The following GSE1 variants were observed in gnomAD, a reference collection of about 807,000 sequenced individuals.
GSE1 encodes the protein genetic suppressor element 1.
Under a neutral mutation model 112.6 loss-of-function variants are expected in GSE1, and 32 were observed. The observed-to-expected ratio is 0.28, with a 90% CI of 0.21 to 0.38. The LOEUF is 0.38. Among genes scored for constraint, GSE1 ranks in the 10% least tolerant of loss-of-function variants. GSE1 has a pLI of 1.00. For missense variants in GSE1, 2,348 were observed against 1,699.2 expected, an observed-to-expected ratio of 1.38 and a Z score of -6.71; for synonymous variants, 1,115 against 735.6, an observed-to-expected ratio of 1.52 and a Z score of -8.35.
At chr16:85,331,184 A>T in intron 1 of GSE1, among the ~76,000 whole-genome samples, 2 of 149,880 alleles carry the variant, frequency 1.3e-5, no homozygotes, top group Non-Finnish European at 3.0e-5. Context: ...ACCGACTCTC[A>T]CTGTGTCACC....
chr16:85,572,171 T>C (rs1567602853), intron 1 of GSE1, among the ~76,000 whole-genome samples: 1 of 104,188 alleles, frequency 9.6e-6, no homozygotes, highest in East Asian at 3.1e-4. Flanking sequence ...CACTGAATAC[T>C]ACACACACAC....
chr16:85,497,265 C>A (rs777062150), intron 2 of GSE1, among the ~76,000 whole-genome samples: 1 of 152,168 alleles, frequency 6.6e-6, no homozygotes, highest in Non-Finnish European at 1.5e-5. Flanking sequence ...GGTGGGCGCA[C>A]CTCTGGTGTT....
At chr16:85,576,976 G>A (rs1163787669) in intron 1 of GSE1, among the ~76,000 whole-genome samples, 1 of 152,094 alleles carries the variant, frequency 6.6e-6, no homozygotes, top group Non-Finnish European at 1.5e-5. Flanking sequence ...GGGGCTTTAG[G>A]TGACCCTGTC....
chr16:85,277,779 C>T (rs938468033), intron 1 of GSE1, among the ~76,000 whole-genome samples: 2 of 152,216 alleles, frequency 1.3e-5, no homozygotes, highest in South Asian at 2.1e-4. Context: ...CCCCTGCCTT[C>T]GAGCTGTGTC....
chr16:85,453,383 G>A (rs2049739547), intron 2 of GSE1, among the ~76,000 whole-genome samples: 1 of 152,324 alleles, frequency 6.6e-6, no homozygotes, highest in Non-Finnish European at 1.5e-5. Flanking sequence ...GCTGGGGCGT[G>A]CCAGGCAGTG....
At chr16:85,464,941 CAG>C (rs1336852016) in intron 2 of GSE1, among the ~76,000 whole-genome samples, 2 of 152,182 alleles carry the variant, frequency 1.3e-5, no homozygotes, top group Non-Finnish European at 2.9e-5. Flanking sequence ...ATGGCAGCAT[CAG>C]GGGGAGGGCA....
At chr16:85,354,927 G>A (rs2046921407) in intron 1 of GSE1, among the ~76,000 whole-genome samples, 1 of 152,228 alleles carries the variant, frequency 6.6e-6, no homozygotes, top group Non-Finnish European at 1.5e-5. Context: ...GGTACCTGCC[G>A]TCCTGATGGG....
chr16:85,172,327 C>A (rs1190824235), intron 1 of GSE1, among the ~76,000 whole-genome samples: 1 of 152,194 alleles, frequency 6.6e-6, no homozygotes, highest in East Asian at 1.9e-4. Context: ...ACCGTGCTTG[C>A]TTTACGGCGG....
chr16:85,596,644 C>T (rs1359894745), intron 1 of GSE1, among the ~76,000 whole-genome samples: 1 of 152,152 alleles, frequency 6.6e-6, no homozygotes, highest in East Asian at 1.9e-4. Flanking sequence ...GAAATAAAAT[C>T]TAGAATTCAG....
At chr16:85,583,121 G>A (rs1221059604) in intron 1 of GSE1, among the ~76,000 whole-genome samples, 3 of 152,076 alleles carry the variant, frequency 2.0e-5, no homozygotes, top group Admixed American at 6.5e-5. Context: ...GGGGTCTCCC[G>A]CTGGAATTCT....
upstream of GSE1, chr16:85,555,870 C>T: frequency 3.5e-6 from 3 of 848,256 alleles, no homozygotes; most frequent in Non-Finnish European, 2.8e-6. Context: ...ATCTTAACCC[C>T]CCAATTTCAT....
chr16:85,569,570 C>T (rs992641851), intron 1 of GSE1, among the ~76,000 whole-genome samples: 8 of 152,214 alleles, frequency 5.3e-5, no homozygotes, highest in African/African-American at 1.9e-4. Flanking sequence ...GAAGGGCGGA[C>T]TTGCTCTTGG....
At chr16:85,426,195 ATGGC>A (rs1293255540) in intron 2 of GSE1, among the ~76,000 whole-genome samples, 2 of 85,306 alleles carry the variant, frequency 2.3e-5, no homozygotes, top group African/African-American at 7.4e-5. Flanking sequence ...GGATAGATGG[ATGGC>A]TGGATGGATG....
At chr16:85,214,028 TG>T (rs2075269279) in intron 1 of GSE1, among the ~76,000 whole-genome samples, 1 of 152,234 alleles carries the variant, frequency 6.6e-6, no homozygotes, top group African/African-American at 2.4e-5. Context: ...CTTGCCAGGC[TG>T]GCACCGGCAT....
chr16:85,672,805 C>A lies in GSE1; in HGVS notation c.*266C>A, dbSNP rs938007765. On this transcript the variant is annotated 3_prime_UTR_variant, in exon 16 of 16. Coordinates refer to ENST00000253458, the MANE Select transcript of GSE1 (RefSeq NM_014615.5). ...TAAAGGTGGTTTTCGCCCTTCCTCT[C>A]CCACATTATTTCTTAATCTGAACAT... The A allele has an allele frequency of 7.7e-5, 21 of 271,180 alleles. No individual in the cohort carries two copies. The highest frequency in any genetic ancestry group is 4.4e-4 in the African/African-American group (20 of 45,456). 16.8% of individuals were successfully genotyped at this position (271,180 alleles called of 1,614,324 possible). A position where few individuals can be genotyped will look rare whatever the true frequency, so the allele number is the denominator to read the frequency against.
chr16:85,264,808 G>T (rs550674378), intron 1 of GSE1, among the ~76,000 whole-genome samples: 7 of 152,320 alleles, frequency 4.6e-5, no homozygotes, highest in African/African-American at 1.7e-4. Context: ...TGTAGAGTGT[G>T]GGTAACCAGG....
intron 1 of GSE1, among the ~76,000 whole-genome samples, chr16:85,261,230 G>A (rs935469188): frequency 3.3e-5 from 5 of 152,206 alleles, no homozygotes; most frequent in Non-Finnish European, 5.9e-5. Flanking sequence ...CTACACCTTC[G>A]CTTTGGCCCT....
chr16:85,552,912 C>T (rs976402378), upstream of GSE1, among the ~76,000 whole-genome samples: 2 of 152,250 alleles, frequency 1.3e-5, no homozygotes, highest in African/African-American at 4.8e-5. Flanking sequence ...ATTTTTATGG[C>T]TCCTGCCATT....
intron 2 of GSE1, among the ~76,000 whole-genome samples, chr16:85,527,059 C>A (rs564361555): frequency 6.6e-6 from 1 of 152,220 alleles, no homozygotes; most frequent in Non-Finnish European, 1.5e-5. Flanking sequence ...CCTCTCCCTG[C>A]GTTCACCTCT....
Sources: gnomAD v4.1 joint callset for allele counts (sites outside exome capture counted in the v4.1 genomes callset) on GRCh38, gnomAD v4.1.1 for gene constraint, MANE v1.5 for transcripts, NCBI Gene and HGNC (gene_info 2026-07-23, HGNC 2026-07-21) for gene names.